The following RBFOX1 variants were observed in gnomAD, a reference collection of about 807,000 sequenced individuals.
RBFOX1 encodes RNA binding fox-1 homolog 1.
In RBFOX1, 8 loss-of-function variants were observed where a neutral mutation model predicts 57.7. That is an observed-to-expected ratio of 0.14 (90% CI 0.08 to 0.25). The LOEUF is 0.25. RBFOX1 is among the 10% of genes least tolerant of loss of function. RBFOX1 has a pLI of 1.00. For synonymous variants in RBFOX1, 326 were observed against 222.4 expected (o/e 1.47, Z -4.15); for missense variants, 611 against 548.5 (o/e 1.11, Z -1.14).
intron 1 of RBFOX1, among the ~76,000 whole-genome samples, chr16:6,217,880 T>C (rs2097346258): frequency 6.6e-6 from 1 of 152,110 alleles, no homozygotes; most frequent in Admixed American, 6.6e-5. Context: ...CCTGGTATGG[T>C]GGCGCATGAT....
chr16:6,586,477 A>G (rs2097620816), intron 2 of RBFOX1, among the ~76,000 whole-genome samples: 3 of 152,182 alleles, frequency 2.0e-5, no homozygotes, highest in African/African-American at 7.2e-5. Context: ...GGCAGGTGAC[A>G]TATGCCCAAC....
intron 3 of RBFOX1, among the ~76,000 whole-genome samples, chr16:6,981,174 G>A (rs565001097): frequency 1.3e-5 from 2 of 151,352 alleles, no homozygotes; most frequent in African/African-American, 4.9e-5. Flanking sequence ...GCACAGATAA[G>A]CTTGTGTGAT....
chr16:5,376,149 C>G (rs941002545), intron 1 of RBFOX1, among the ~76,000 whole-genome samples: 1 of 147,158 alleles, frequency 6.8e-6, no homozygotes, highest in East Asian at 2.0e-4. Flanking sequence ...GCCTGGGTGA[C>G]AGAGCATGAC....
intron 2 of RBFOX1, among the ~76,000 whole-genome samples, chr16:5,552,127 G>T (rs930908485): frequency 2.0e-5 from 3 of 152,282 alleles, no homozygotes; most frequent in African/African-American, 7.2e-5. Context: ...AGTCAGCCCA[G>T]TCTGGTACGT....
chr16:6,454,673 A>G (rs941493090), intron 2 of RBFOX1, among the ~76,000 whole-genome samples: 5 of 152,268 alleles, frequency 3.3e-5, no homozygotes, highest in East Asian at 3.9e-4. Flanking sequence ...CTACATGTGC[A>G]TTCTTCTGCC....
At chr16:7,551,575 G>T (rs1173144103) in intron 5 of RBFOX1, among the ~76,000 whole-genome samples, 2 of 152,216 alleles carry the variant, frequency 1.3e-5, no homozygotes, top group South Asian at 2.1e-4. Context: ...ATAAATGGGG[G>T]TGGTTTCAGA....
At chr16:6,390,883 C>G (rs949304230) in intron 2 of RBFOX1, among the ~76,000 whole-genome samples, 11 of 152,152 alleles carry the variant, frequency 7.2e-5, no homozygotes, top group African/African-American at 2.7e-4. Flanking sequence ...ATAGGGAAGG[C>G]AGCATGGAAT....
chr16:6,154,123 T>G (rs539207473), intron 1 of RBFOX1, among the ~76,000 whole-genome samples: 1 of 152,324 alleles, frequency 6.6e-6, no homozygotes, highest in African/African-American at 2.4e-5. Context: ...TCCTGCGTCA[T>G]AATCTCACGC....
intron 2 of RBFOX1, among the ~76,000 whole-genome samples, chr16:5,524,645 G>A (rs1009581512): frequency 1.3e-5 from 2 of 151,476 alleles, no homozygotes; most frequent in African/African-American, 2.4e-5. Flanking sequence ...GGTTCCGTCA[G>A]TCCTCCTGCC....
intron 1 of RBFOX1, among the ~76,000 whole-genome samples, chr16:5,294,086 A>G (rs574668291): frequency 1.3e-5 from 2 of 152,194 alleles, no homozygotes; most frequent in Admixed American, 1.3e-4. Context: ...AAAATTAGCT[A>G]GGCGTGGTGG....
rs191303972 is a variant in RBFOX1 at position 5,771,525 on chromosome 16, C to T, written c.319-95778C>T. On this transcript the variant is annotated intron_variant, in intron 3 of 19. Coordinates refer to the RBFOX1 transcript ENST00000641259. ...CTGGGTTCACATGATTCTTATGCCT[C>T]AGCCTCCCGAATAGCTGAGATTACA... Among the ~76,000 whole-genome samples, 290 of 152,308 alleles carry T rather than the reference C, an allele frequency of 1.9e-3. 2 individuals are homozygous for T. Among genetic ancestry groups the T allele is most frequent in the African/African-American group, 6.6e-3 (275 of 41,572 alleles).
intron 4 of RBFOX1, among the ~76,000 whole-genome samples, chr16:7,442,852 C>T (rs778964976): frequency 6.6e-6 from 1 of 151,660 alleles, no homozygotes; most frequent in Non-Finnish European, 1.5e-5. Context: ...GATTCAGGAC[C>T]TGGCCTATGG....
chr16:6,826,462 T>G (rs1411449926), intron 3 of RBFOX1, among the ~76,000 whole-genome samples: 1 of 152,150 alleles, frequency 6.6e-6, no homozygotes. Flanking sequence ...GTTAAGAGGC[T>G]TAGAGATGAG....
At chr16:5,888,784 C>T (rs1414106431) in intron 4 of RBFOX1, among the ~76,000 whole-genome samples, 5 of 100,626 alleles carry the variant, frequency 5.0e-5, no homozygotes, top group East Asian at 2.8e-4. Flanking sequence ...GCGACAAGAG[C>T]GAAACTCAGT....
rs543145597 is a variant in RBFOX1 at position 5,758,432 on chromosome 16, G to T, written c.319-108871G>T. Reference sequence around the variant, plus strand: ...AGCATCTCTTAGACTGGGGGAGAAAGAAGAGAGGTTGGCCTCAGCAATTAA... The same window carrying T: ...AGCATCTCTTAGACTGGGGGAGAAATAAGAGAGGTTGGCCTCAGCAATTAA... On this transcript the variant is annotated intron_variant, in intron 3 of 19. Transcript: ENST00000641259. 4.6e-5 allele frequency among the ~76,000 whole-genome samples: 7 copies of T among 152,334 alleles called. No individual in the cohort carries two copies. In the South Asian group the frequency reaches 1.4e-3, roughly 32 times the overall value.
chr16:7,259,145 G>A (rs2094816228), intron 4 of RBFOX1, among the ~76,000 whole-genome samples: 1 of 152,170 alleles, frequency 6.6e-6, no homozygotes, highest in Non-Finnish European at 1.5e-5. Flanking sequence ...CACCTGGAGA[G>A]AAGCTGTTGA....
At chr16:6,557,064 CATACATAT>C (rs1191007412) in intron 2 of RBFOX1, among the ~76,000 whole-genome samples, 64 of 141,226 alleles carry the variant, frequency 4.5e-4, no homozygotes, top group African/African-American at 9.6e-4. Flanking sequence ...TACATATATA[CATACATAT>C]ATACATATAT....
chr16:6,472,384 A>T (rs2095196624), intron 2 of RBFOX1, among the ~76,000 whole-genome samples: 1 of 151,920 alleles, frequency 6.6e-6, no homozygotes, highest in Non-Finnish European at 1.5e-5. Flanking sequence ...CATCCTGTAA[A>T]CCCTGAGTCA....
intron 4 of RBFOX1, among the ~76,000 whole-genome samples, chr16:7,166,739 T>G (rs1466570548): frequency 6.6e-6 from 1 of 151,952 alleles, no homozygotes; most frequent in Non-Finnish European, 1.5e-5. Context: ...AAGGCAGACT[T>G]CAGCAGCATC....
Sources: gnomAD v4.1 joint callset for allele counts (sites outside exome capture counted in the v4.1 genomes callset) on GRCh38, gnomAD v4.1.1 for gene constraint, MANE v1.5 for transcripts, NCBI Gene and HGNC (gene_info 2026-07-23, HGNC 2026-07-21) for gene names.